The following GRIP1 variants were observed in gnomAD, a reference collection of about 807,000 sequenced individuals.
The protein encoded by GRIP1 is glutamate receptor-interacting protein 1.
Under a neutral mutation model 129.9 loss-of-function variants are expected in GRIP1, and 45 were observed. That is an observed-to-expected ratio of 0.35 (90% CI 0.27 to 0.44). The LOEUF (loss-of-function observed/expected upper bound fraction) is 0.44, where lower values mean the gene tolerates loss of function less well. Ranked by LOEUF, GRIP1 falls within the 20% of genes least tolerant of loss-of-function variation. GRIP1 has a pLI of 1.00. For synonymous variants in GRIP1, 530 were observed against 520.8 expected (o/e 1.02, Z -0.24); for missense variants, 1,196 against 1,396.8 (o/e 0.86, Z 2.29).
chr12:66,692,743 T>A (rs2136319925), intron 1 of GRIP1, among the ~76,000 whole-genome samples: 1 of 152,206 alleles, frequency 6.6e-6, no homozygotes, highest in East Asian at 1.9e-4. Context: ...ACCCAGAGTA[T>A]CCCAGAGGCA....
chr12:66,684,300 A>C (rs898449877), intron 1 of GRIP1, among the ~76,000 whole-genome samples: 9 of 152,174 alleles, frequency 5.9e-5, no homozygotes, highest in African/African-American at 9.7e-5. Context: ...AGTAAAACGC[A>C]CCCTTTTCCA....
intron 5 of GRIP1, among the ~76,000 whole-genome samples, chr12:66,520,981 T>A (rs1288216098): frequency 6.6e-6 from 1 of 152,224 alleles, no homozygotes; most frequent in Non-Finnish European, 1.5e-5. Flanking sequence ...TTTCACTATA[T>A]TCATCTAGTT....
intron 2 of GRIP1, among the ~76,000 whole-genome samples, chr12:66,569,801 T>C (rs551578923): frequency 2.9e-4 from 44 of 152,286 alleles, no homozygotes; most frequent in Admixed American, 2.0e-4. Context: ...GGATCCTCAT[T>C]TGGCAAGTTT....
chr12:66,549,675 T>G (rs1381794608), intron 2 of GRIP1, among the ~76,000 whole-genome samples: 2 of 152,180 alleles, frequency 1.3e-5, no homozygotes, highest in African/African-American at 4.8e-5. Flanking sequence ...GAAAGGTTTT[T>G]GGGCATTTTC....
At chr12:66,458,759 C>T (rs2059045703) in intron 9 of GRIP1, among the ~76,000 whole-genome samples, 1 of 152,246 alleles carries the variant, frequency 6.6e-6, no homozygotes, top group African/African-American at 2.4e-5. Flanking sequence ...TATCACTCTA[C>T]CCATCATTTG....
chr12:66,820,111 C>A (rs2039291974), intron 1 of GRIP1, among the ~76,000 whole-genome samples: 1 of 152,126 alleles, frequency 6.6e-6, no homozygotes, highest in Admixed American at 6.5e-5. Context: ...GGAAAAATAA[C>A]CATTTTGAAA....
chr12:66,710,146 T>C (rs993801721), intron 1 of GRIP1, among the ~76,000 whole-genome samples: 2 of 151,940 alleles, frequency 1.3e-5, no homozygotes, highest in African/African-American at 4.8e-5. Context: ...GGAGCTACTA[T>C]GAGTAACCCA....
intron 1 of GRIP1, among the ~76,000 whole-genome samples, chr12:66,668,337 A>C (rs1252046857): frequency 1.3e-5 from 2 of 152,168 alleles, no homozygotes; most frequent in African/African-American, 2.4e-5. Flanking sequence ...GATCTGTATG[A>C]GGTCACCTAG....
intron 5 of GRIP1, among the ~76,000 whole-genome samples, chr12:66,522,870 T>A (rs933743134): frequency 1.4e-4 from 21 of 151,976 alleles, no homozygotes; most frequent in African/African-American, 4.8e-4. Context: ...GCTTGAGAAC[T>A]ATGTGAAGAA....
At chr12:66,445,840 G>T (rs2058608032) in intron 11 of GRIP1, among the ~76,000 whole-genome samples, 1 of 152,048 alleles carries the variant, frequency 6.6e-6, no homozygotes, top group South Asian at 2.1e-4. Flanking sequence ...GGAACCTTGG[G>T]GTAGGCCATT....
chr12:66,556,940 A>C (rs909707093), intron 2 of GRIP1, among the ~76,000 whole-genome samples: 2 of 152,106 alleles, frequency 1.3e-5, no homozygotes, highest in Non-Finnish European at 2.9e-5. Flanking sequence ...AAACAACCAC[A>C]AAACTAATAA....
intron 16 of GRIP1, among the ~76,000 whole-genome samples, chr12:66,400,052 A>G (rs1261371049): frequency 6.6e-6 from 1 of 151,988 alleles, no homozygotes; most frequent in Non-Finnish European, 1.5e-5. Context: ...TTTAAGTCTC[A>G]AAACTAGGTT....
intron 1 of GRIP1, among the ~76,000 whole-genome samples, chr12:66,867,308 C>T (rs534448827): frequency 6.6e-6 from 1 of 152,162 alleles, no homozygotes; most frequent in East Asian, 1.9e-4. Flanking sequence ...ATTAAAAGCC[C>T]ATGACCAAAA....
chr12:66,546,322 TA>T (rs769779043), intron 2 of GRIP1, among the ~76,000 whole-genome samples: 2 of 122,102 alleles, frequency 1.6e-5, no homozygotes, highest in East Asian at 4.8e-4. Context: ...CATCTCTGCA[TA>T]ATTTTTTTTT....
intron 1 of GRIP1, among the ~76,000 whole-genome samples, chr12:66,727,855 G>C (rs2036304805): frequency 6.6e-6 from 1 of 152,134 alleles, no homozygotes; most frequent in Non-Finnish European, 1.5e-5. Flanking sequence ...AAGTTCAGAG[G>C]AGCTGCTGCT....
chr12:66,936,475 G>A (rs2041488097), intron 1 of GRIP1, among the ~76,000 whole-genome samples: 1 of 148,250 alleles, frequency 6.7e-6, no homozygotes, highest in Non-Finnish European at 1.5e-5. Flanking sequence ...AAAGTTCTGT[G>A]TTCTAGACTC....
At chr12:66,984,632 G>A (rs895155028) in intron 1 of GRIP1, among the ~76,000 whole-genome samples, 1 of 152,128 alleles carries the variant, frequency 6.6e-6, no homozygotes, top group Admixed American at 6.5e-5. Context: ...TAGAAGGTGA[G>A]AGAGCTGTGT....
chr12:67,001,361 T>C (rs1425217373), intron 1 of GRIP1, among the ~76,000 whole-genome samples: 2 of 152,122 alleles, frequency 1.3e-5, no homozygotes, highest in East Asian at 1.9e-4. Flanking sequence ...TCAGGATCCA[T>C]GCACAATCAC....
chr12:66,929,442 T>C (rs2041350821), intron 1 of GRIP1, among the ~76,000 whole-genome samples: 1 of 152,254 alleles, frequency 6.6e-6, no homozygotes, highest in South Asian at 2.1e-4. Flanking sequence ...GTATATTGTC[T>C]GGCTTCCTCC....
Sources: allele counts gnomAD v4.1 joint callset (sites outside exome capture counted in the v4.1 genomes callset), GRCh38; gene constraint gnomAD v4.1.1; transcripts MANE v1.5; gene names NCBI Gene and HGNC (gene_info 2026-07-23, HGNC 2026-07-21).